Variants in KDM2B observed in about 807,000 individuals in gnomAD.
KDM2B encodes lysine-specific demethylase 2B.
A neutral mutation model predicts 150.0 loss-of-function variants in KDM2B; 26 were observed. The observed-to-expected ratio is 0.17, with a 90% confidence interval of 0.13 to 0.24. The LOEUF is 0.24. KDM2B is among the 10% of genes least tolerant of loss of function. KDM2B has a pLI of 1.00. For missense variants in KDM2B, 1,265 were observed against 1,816.9 expected, an observed-to-expected ratio of 0.70 and a Z score of 5.52; for synonymous variants, 734 against 729.5, an observed-to-expected ratio of 1.01 and a Z score of -0.10.
At chr12:121,419,940 C>T in the KDM2B span, 1 of 287,002 alleles carries the variant, frequency 3.5e-6, no homozygotes, top group African/African-American at 2.2e-5. Flanking sequence ...AGTGCTGTCC[C>T]ATATCCTTAA....
At chr12:121,529,035 A>G (rs1263255448) in intron 8 of KDM2B, among the ~76,000 whole-genome samples, 2 of 152,230 alleles carry the variant, frequency 1.3e-5, no homozygotes, top group Non-Finnish European at 2.9e-5. Flanking sequence ...GGACATAACA[A>G]AAAGGAAACT....
chr12:121,495,286 G>C (rs1250133318), intron 11 of KDM2B, among the ~76,000 whole-genome samples: 2 of 151,870 alleles, frequency 1.3e-5, no homozygotes, highest in East Asian at 3.9e-4. Context: ...CCAGCCTCCC[G>C]AGTAGCTGTG....
chr12:121,425,487 T>G (rs782269504), downstream of KDM2B, among the ~76,000 whole-genome samples: 1 of 152,164 alleles, frequency 6.6e-6, no homozygotes, highest in Non-Finnish European at 1.5e-5. Context: ...GAGTAACACA[T>G]ATGGCCTTGG....
At chr12:121,539,326 CAAAAAAAA>C (rs60048517) in intron 6 of KDM2B, among the ~76,000 whole-genome samples, 46 of 58,616 alleles carry the variant, frequency 7.8e-4, no homozygotes, top group Middle Eastern at 0.019. Flanking sequence ...GACCCTCTCC[CAAAAAAAA>C]AAAAAAAAAA....
At chr12:121,454,714 A>C (rs575946616) in intron 12 of KDM2B, among the ~76,000 whole-genome samples, 21 of 152,248 alleles carry the variant, frequency 1.4e-4, no homozygotes, top group African/African-American at 4.1e-4. Flanking sequence ...CTAACGCCTA[A>C]AGCCCCTTTT....
chr12:121,457,060 T>C (rs1220161766), intron 12 of KDM2B, among the ~76,000 whole-genome samples: 2 of 152,056 alleles, frequency 1.3e-5, no homozygotes, highest in African/African-American at 4.8e-5. Flanking sequence ...GAGGCCTCCA[T>C]TAAAAAGTCC....
intron 13 of KDM2B, among the ~76,000 whole-genome samples, chr12:121,446,012 C>T (rs1331812040): frequency 3.9e-5 from 6 of 152,282 alleles, no homozygotes; most frequent in East Asian, 1.9e-4. Flanking sequence ...TTTGTACTGG[C>T]GGGTGAAACT....
intron 4 of KDM2B, among the ~76,000 whole-genome samples, chr12:121,561,062 G>T (rs368016896): frequency 6.6e-6 from 1 of 152,152 alleles, no homozygotes; most frequent in African/African-American, 2.4e-5. Context: ...CCCACCCCAG[G>T]ATCATCGGTG....
intron 9 of KDM2B, chr12:121,516,506 G>T: frequency 7.2e-7 from 1 of 1,398,488 alleles, no homozygotes; most frequent in Non-Finnish European, 9.4e-7. Context: ...CCTTCAAAAG[G>T]TTTCAGCCAC....
intron 22 of KDM2B, among the ~76,000 whole-genome samples, chr12:121,439,131 C>T (rs1242958104): frequency 6.6e-6 from 1 of 152,166 alleles, no homozygotes; most frequent in African/African-American, 2.4e-5. Context: ...CCCTTGATAG[C>T]AGGGTCACAA....
chr12:121,449,781 C>A (rs1197658098), intron 13 of KDM2B, among the ~76,000 whole-genome samples: 1 of 152,122 alleles, frequency 6.6e-6, no homozygotes, highest in African/African-American at 2.4e-5. Context: ...TGCACATAGA[C>A]AAAAATGCAT....
intron 12 of KDM2B, among the ~76,000 whole-genome samples, chr12:121,466,521 C>CGCCGCCGCT (rs879971419): frequency 0.018 from 2,799 of 151,978 alleles, 52 homozygotes; most frequent in Non-Finnish European, 0.031. Flanking sequence ...CCTCCGCCGC[C>CGCCGCCGCT]GCCGCCGCTG....
intron 1 of KDM2B, chr12:121,579,642 C>T: frequency 7.5e-7 from 1 of 1,341,844 alleles, no homozygotes; most frequent in Non-Finnish European, 9.8e-7. Flanking sequence ...CACAAGCGCG[C>T]GCGCACACTC....
chr12:121,522,717 A>C (rs1228771722), intron 8 of KDM2B, among the ~76,000 whole-genome samples: 2 of 150,806 alleles, frequency 1.3e-5, no homozygotes, highest in Non-Finnish European at 2.9e-5. Flanking sequence ...GCTTGGTGGC[A>C]CATGCCTGTA....
chr12:121,443,387 G>A, intron 17 of KDM2B: 1 of 578,324 alleles, frequency 1.7e-6, no homozygotes, highest in Non-Finnish European at 3.1e-6. Flanking sequence ...AGCTGGGAGA[G>A]ACTCCTGGCG....
intron 4 of KDM2B, among the ~76,000 whole-genome samples, chr12:121,572,425 C>T (rs577691189): frequency 3.3e-5 from 5 of 152,140 alleles, no homozygotes; most frequent in Non-Finnish European, 5.9e-5. Flanking sequence ...CACTCAGTTC[C>T]GCACTCCAAG....
rs1396851267 is a variant in KDM2B at position 121,468,327 on chromosome 12, A to C, written c.1735-14983T>G. 6.6e-6 allele frequency: 1 copy of C among 152,196 alleles called. No individual in the cohort carries two copies. The highest frequency in any genetic ancestry group is 1.5e-5 in the Non-Finnish European group (1 of 68,044). The allele number at this position is 152,196 out of a possible 1,614,324, so 9.4% of individuals were successfully genotyped here. The stretch of plus-strand genomic sequence containing the variant: ...ATAGATCTTCATTCATTCAAAAAAA[A>C]AGTCTATCGGGCACTTAAGCCAGCA... On this transcript the variant is annotated intron_variant, in intron 12 of 22. Transcript: ENST00000377071. The surrounding 1 kb of genome is among the most constrained non-coding windows in gnomAD (Gnocchi z 4.0).
Position 121,520,946 on chromosome 12 carries a change from G to C in KDM2B, c.1047+39C>G. Reference sequence around the variant, plus strand: ...CACCGAGCACCGGCAGAGCTCAGGGGCCAGGCGCGCACGCGAGGACAGAAG... The same window carrying C: ...CACCGAGCACCGGCAGAGCTCAGGGCCCAGGCGCGCACGCGAGGACAGAAG... On this transcript the variant is annotated intron_variant, in intron 9 of 22. Coordinates refer to ENST00000377071, the MANE Select transcript of KDM2B (RefSeq NM_032590.5). The surrounding 1 kb of genome is among the most constrained non-coding windows in gnomAD (Gnocchi z 4.5). 6.6e-7 allele frequency: 1 copy of C among 1,513,726 alleles called. No homozygotes were observed. Among genetic ancestry groups the C allele is most frequent in the Non-Finnish European group, 9.2e-7 (1 of 1,089,764 alleles). 93.8% of individuals were successfully genotyped at this position (1,513,726 alleles called of 1,614,324 possible).
intron 12 of KDM2B, among the ~76,000 whole-genome samples, chr12:121,471,616 G>A (rs1261736299): frequency 6.6e-6 from 1 of 152,088 alleles, no homozygotes; most frequent in African/African-American, 2.4e-5. Context: ...GCATGGGGAG[G>A]GCAGACTGGG....
Sources: gnomAD v4.1 joint callset for allele counts (sites outside exome capture counted in the v4.1 genomes callset) on GRCh38, gnomAD v4.1.1 for gene constraint, Gnocchi (gnomAD v3.1) non-coding constraint, MANE v1.5 for transcripts, NCBI Gene and HGNC (gene_info 2026-07-23, HGNC 2026-07-21) for gene names.